Variants in TPD52L1 observed in about 807,000 individuals in gnomAD.
TPD52L1 encodes tumor protein D53.
Under a neutral mutation model 28.7 loss-of-function variants are expected in TPD52L1, and 18 were observed. The ratio of observed to expected loss-of-function variants is 0.63; its 90% CI spans 0.43 to 0.93. The LOEUF (loss-of-function observed/expected upper bound fraction) is 0.93, where lower values mean the gene tolerates loss of function less well. TPD52L1 is among the 40% of genes least tolerant of loss of function. TPD52L1 has a pLI of 0.00. For missense variants in TPD52L1, 203 were observed against 254.8 expected (o/e 0.80, Z 1.39); for synonymous variants, 75 against 88.8 (o/e 0.84, Z 0.88).
intron 2 of TPD52L1, 109 bp from the exon 3 acceptor site, chr6:125,229,009 T>C (rs1795781440): frequency 8.7e-7 from 1 of 1,146,284 alleles, no homozygotes; most frequent in Non-Finnish European, 1.2e-6. Context: ...ACACATGGGA[T>C]TGTATAAATA....
At chr6:125,154,757 G>A (rs1305021252) in intron 1 of TPD52L1, among the ~76,000 whole-genome samples, 1 of 152,136 alleles carries the variant, frequency 6.6e-6, no homozygotes, top group East Asian at 1.9e-4. Flanking sequence ...GGGCAGAGGT[G>A]GGCGGATGTG....
chr6:125,169,140 T>A (rs1791113754), intron 1 of TPD52L1, among the ~76,000 whole-genome samples: 1 of 152,160 alleles, frequency 6.6e-6, no homozygotes, highest in South Asian at 2.1e-4. Flanking sequence ...GCCCACTATC[T>A]GCTCCTTAAA....
chr6:125,169,025 C>T (rs1304945280), intron 1 of TPD52L1, among the ~76,000 whole-genome samples: 1 of 152,104 alleles, frequency 6.6e-6, no homozygotes, highest in Non-Finnish European at 1.5e-5. Flanking sequence ...CTCTCTCTAC[C>T]CCTGCTTTCC....
intron 2 of TPD52L1, among the ~76,000 whole-genome samples, chr6:125,224,847 A>C (rs1482913258): frequency 6.6e-6 from 1 of 152,242 alleles, no homozygotes; most frequent in African/African-American, 2.4e-5. Flanking sequence ...CAGACTAGTT[A>C]GTTCACTTTT....
At chr6:125,227,245 T>A (rs1795666293) in intron 2 of TPD52L1, among the ~76,000 whole-genome samples, 1 of 152,214 alleles carries the variant, frequency 6.6e-6, no homozygotes, top group African/African-American at 2.4e-5. Context: ...TGATTCAGTA[T>A]TTCTGCTTGT....
intron 1 of TPD52L1, among the ~76,000 whole-genome samples, chr6:125,162,959 TG>T (rs1790619803): frequency 1.3e-5 from 2 of 152,194 alleles, no homozygotes; most frequent in African/African-American, 2.4e-5. Flanking sequence ...AAAAATTAAA[TG>T]AAGAAGACAG....
intron 1 of TPD52L1, among the ~76,000 whole-genome samples, chr6:125,177,563 G>A (rs1485682479): frequency 6.6e-6 from 1 of 152,118 alleles, no homozygotes; most frequent in Admixed American, 6.5e-5. Context: ...AAAGAACTGA[G>A]GTTTTCTTAC....
chr6:125,260,952 GAA>G (rs1300809359), intron 6 of TPD52L1: 4 of 41,960 alleles, frequency 9.5e-5, no homozygotes, highest in African/African-American at 6.8e-4. Flanking sequence ...AAGAAAGAAA[GAA>G]AGAAAGAAAG....
chr6:125,172,850 C>T (rs1485815793), intron 1 of TPD52L1, among the ~76,000 whole-genome samples: 3 of 151,630 alleles, frequency 2.0e-5, no homozygotes, highest in Non-Finnish European at 4.4e-5. Context: ...TGAAAGTCTA[C>T]TGGCTCCTGG....
chr6:125,199,893 G>A (rs1793694687), intron 1 of TPD52L1, among the ~76,000 whole-genome samples: 1 of 152,188 alleles, frequency 6.6e-6, no homozygotes, highest in East Asian at 1.9e-4. Flanking sequence ...GACTTTCATT[G>A]TATTTCCATG....
intron 1 of TPD52L1, among the ~76,000 whole-genome samples, chr6:125,160,427 A>G (rs1790442881): frequency 1.3e-5 from 2 of 152,170 alleles, no homozygotes; most frequent in South Asian, 2.1e-4. Flanking sequence ...TGGGATCATC[A>G]TAGCTCACTG....
intron 1 of TPD52L1, among the ~76,000 whole-genome samples, chr6:125,159,788 T>C (rs1790389209): frequency 6.6e-6 from 1 of 151,920 alleles, no homozygotes; most frequent in Admixed American, 6.6e-5. Flanking sequence ...GTGTGAGCAA[T>C]GTTAATCTCT....
At chr6:125,208,073 A>G (rs527459747) in intron 1 of TPD52L1, among the ~76,000 whole-genome samples, 2 of 152,272 alleles carry the variant, frequency 1.3e-5, no homozygotes, top group East Asian at 3.9e-4. Context: ...TTTTCAATAT[A>G]GTTTCAGAGT....
chr6:125,208,922 C>T, intron 1 of TPD52L1: 1 of 985,340 alleles, frequency 1.0e-6, no homozygotes, highest in Non-Finnish European at 1.2e-6. Flanking sequence ...AGCCAGCAGG[C>T]CCAAGGTGTA....
intron 4 of TPD52L1, among the ~76,000 whole-genome samples, chr6:125,248,767 G>C (rs985936741): frequency 2.6e-5 from 4 of 151,980 alleles, no homozygotes; most frequent in African/African-American, 9.7e-5. Flanking sequence ...TTGCATATTT[G>C]TATACATCCA....
At chr6:125,197,588 C>G (rs765542740) in intron 1 of TPD52L1, among the ~76,000 whole-genome samples, 1 of 152,092 alleles carries the variant, frequency 6.6e-6, no homozygotes, top group Non-Finnish European at 1.5e-5. Flanking sequence ...GTTTAGAACT[C>G]TAAGAGGAAG....
intron 1 of TPD52L1, among the ~76,000 whole-genome samples, chr6:125,173,259 G>A (rs184335191): frequency 2.0e-5 from 3 of 152,198 alleles, no homozygotes; most frequent in East Asian, 3.9e-4. Flanking sequence ...TAATTACAAG[G>A]CTGTTTCTGG....
chr6:125,229,105 CT>C lies in TPD52L1; in HGVS notation c.136-12del, dbSNP rs780669983. On this transcript the variant is annotated splice_polypyrimidine_tract_variant and intron_variant, in intron 2 of 6. Transcript: ENST00000534000. ...CTGACATTTTCCCCCACCATTTCCC[CT>C]CCGCCTTGTAGCTAGAAGACGAAAT... The C allele has an allele frequency of 6.2e-7, 1 of 1,609,210 alleles. No individual in the cohort carries two copies. The highest frequency in any genetic ancestry group is 1.7e-5 in the Admixed American group (1 of 59,234).
chr6:125,222,411 C>A (rs992976360), intron 2 of TPD52L1, among the ~76,000 whole-genome samples: 2 of 152,132 alleles, frequency 1.3e-5, no homozygotes, highest in Non-Finnish European at 2.9e-5. Flanking sequence ...CCTCAGAGAC[C>A]AGCCTATTAG....
Sources: gnomAD v4.1 joint callset for allele counts (sites outside exome capture counted in the v4.1 genomes callset) on GRCh38, gnomAD v4.1.1 for gene constraint, MANE v1.5 for transcripts, NCBI Gene and HGNC (gene_info 2026-07-23, HGNC 2026-07-21) for gene names.